Variants in ZBTB38 observed in about 807,000 individuals in gnomAD.
ZBTB38 encodes zinc finger and BTB domain-containing protein 38.
Under a neutral mutation model 76.8 loss-of-function variants are expected in ZBTB38, and 20 were observed. The ratio of observed to expected loss-of-function variants is 0.26; its 90% CI spans 0.18 to 0.38. The LOEUF (loss-of-function observed/expected upper bound fraction) is 0.38. ZBTB38 is among the 10% of genes least tolerant of loss of function. The pLI is 1.00. For synonymous variants in ZBTB38, 504 were observed against 544.2 expected (o/e 0.93, Z 1.03); for missense variants, 1,082 against 1,482.3 (o/e 0.73, Z 4.43).
intron 1 of ZBTB38, among the ~76,000 whole-genome samples, chr3:141,325,409 A>T (rs944235672): frequency 3.3e-5 from 5 of 152,180 alleles, no homozygotes; most frequent in African/African-American, 9.7e-5. Context: ...AATGACATAC[A>T]CTGTTCATTG....
At position 141,444,251 on chromosome 3, in the gene ZBTB38, T is replaced by G; in HGVS notation, c.1863T>G (p.Thr621=). 1 of 1,614,196 alleles carries G rather than the reference T, an allele frequency of 6.2e-7. No homozygotes were observed. ...SELPTLNFQD[T]VNTLTNSPAI... ...TACCAACGCTGAATTTCCAAGATAC[T>G]GTAAACACCCTGACCAACAGTCCAG... Residue 621 remains threonine, a synonymous_variant, in exon 6 of 6, where the codon ACT becomes ACG. Transcript: ENST00000321464. This position sits in a 1 kb window ranked among gnomAD's most constrained non-coding sequence, Gnocchi z 5.1.
rs572136621 is a variant in ZBTB38 at position 141,362,447 on chromosome 3, T to C, written c.-738-6174T>C. Among the ~76,000 whole-genome samples, 19 of 152,166 alleles carry C rather than the reference T, an allele frequency of 1.2e-4. 1 individual carries two copies. In the South Asian group the frequency reaches 3.9e-3, roughly 32 times the overall value. ...AACATAAAATATAGATAGCATAAAA[T>C]GACCACCAGCACAAAAAACATTTTT... is the stretch of plus-strand genomic sequence containing the variant. On this transcript the variant is annotated intron_variant, in intron 1 of 7. Transcript: ENST00000509842.
At chr3:141,331,997 G>C (rs1942869825) in intron 1 of ZBTB38, among the ~76,000 whole-genome samples, 1 of 152,212 alleles carries the variant, frequency 6.6e-6, no homozygotes. Flanking sequence ...GTGACCCTTT[G>C]GGGAAGAGGG....
intron 4 of ZBTB38, among the ~76,000 whole-genome samples, chr3:141,401,822 A>T (rs1952073311): frequency 6.6e-6 from 1 of 152,216 alleles, no homozygotes; most frequent in Non-Finnish European, 1.5e-5. Flanking sequence ...TCATTTAAAG[A>T]AGAGGACTGG....
At chr3:141,405,639 G>T (rs765599) in intron 5 of ZBTB38, 5 of 152,264 alleles carry the variant, frequency 3.3e-5, no homozygotes, top group South Asian at 2.1e-4. Flanking sequence ...AAATCAAATC[G>T]CAAGACTTGA....
chr3:141,361,473 G>T (rs1943824510), intron 1 of ZBTB38, among the ~76,000 whole-genome samples: 1 of 152,222 alleles, frequency 6.6e-6, no homozygotes, highest in Non-Finnish European at 1.5e-5. Context: ...TGAGGAAGCT[G>T]AGGCTGAGAA....
Position 141,443,827 on chromosome 3 carries a change from A to G in ZBTB38, c.1439A>G (p.Asn480Ser). Residue 480 changes from asparagine to serine, a missense_variant, in exon 6 of 6, where the codon AAT becomes AGT. Asn to Ser is a conservative substitution (Grantham distance 46, BLOSUM62 1). Coordinates refer to ENST00000321464, the MANE Select transcript of ZBTB38 (RefSeq NM_001376113.1). This position sits in a 1 kb window ranked among gnomAD's most constrained non-coding sequence, Gnocchi z 5.6. Reference sequence around the variant, plus strand: ...TTATCTAGCCTCCGAAGACATGCAAATGTTCACTCCTGGAGAAGAACATAT... The same window carrying G: ...TTATCTAGCCTCCGAAGACATGCAAGTGTTCACTCCTGGAGAAGAACATAT... Reference protein sequence around the residue: ...VTLSSLRRHANVHSWRRTYPC... With the variant: ...VTLSSLRRHASVHSWRRTYPC... 1 of 1,614,034 alleles carries G rather than the reference A, an allele frequency of 6.2e-7. No individual in the cohort carries two copies. The highest frequency in any genetic ancestry group is 8.5e-7 in the Non-Finnish European group (1 of 1,180,036).
Position 141,413,542 on chromosome 3 carries a change from G to T in ZBTB38, c.-1+9511G>T, listed in dbSNP as rs1434875304. On this transcript the variant is annotated intron_variant, in intron 5 of 5. Transcript: ENST00000321464. The surrounding 1 kb of genome is among the most constrained non-coding windows in gnomAD (Gnocchi z 4.1). ...TCTGTTTTTTGGAACTGTTGTATTT[G>T]TGTGACACAGTGATGGAGCATGATG... Among the ~76,000 whole-genome samples the T allele has an allele frequency of 6.6e-6, 1 of 152,130 alleles. No individual in the cohort carries two copies.
intron 1 of ZBTB38, among the ~76,000 whole-genome samples, chr3:141,332,641 G>A (rs528159850): frequency 3.3e-5 from 5 of 152,258 alleles, no homozygotes; most frequent in African/African-American, 9.6e-5. Context: ...ACGATCTGCC[G>A]CCCTGAGCAA....
chr3:141,443,632 T>G lies in ZBTB38; in HGVS notation c.1244T>G (p.Ile415Ser). ...NQRFLENYPT[I>S]GQNGGSFTGP... ...CGCTTTTTAGAAAACTATCCTACCA[T>G]TGGACAAAATGGAGGTTCATTCACA... The change falls in exon 6 of 6, where the codon ATT becomes AGT. Residue 415 changes from isoleucine (I) to serine (S), a missense_variant. Ile to Ser is a moderately radical substitution (Grantham distance 142, BLOSUM62 -2). Transcript: ENST00000321464. This position sits in a 1 kb window ranked among gnomAD's most constrained non-coding sequence, Gnocchi z 5.6. 1.9e-6 allele frequency: 3 copies of G among 1,614,198 alleles called. No homozygotes were observed. The highest frequency in any genetic ancestry group is 2.5e-6 in the Non-Finnish European group (3 of 1,180,040).
intron 1 of ZBTB38, among the ~76,000 whole-genome samples, chr3:141,334,891 A>G (rs1483760664): frequency 2.0e-5 from 3 of 152,246 alleles, no homozygotes; most frequent in Admixed American, 6.5e-5. Flanking sequence ...TGGAAGGCTA[A>G]TCTTTCAGAT....
chr3:141,380,390 T>C (rs1946038613), intron 2 of ZBTB38, among the ~76,000 whole-genome samples: 1 of 152,214 alleles, frequency 6.6e-6, no homozygotes, highest in Admixed American at 6.5e-5. Flanking sequence ...GCCAGACAAC[T>C]TGTGGCTCCC....
intron 2 of ZBTB38, among the ~76,000 whole-genome samples, chr3:141,375,066 T>C (rs1162885601): frequency 1.3e-5 from 2 of 152,228 alleles, no homozygotes; most frequent in East Asian, 1.9e-4. Flanking sequence ...TCAACAAATA[T>C]TCAGTTGGCA....
intron 1 of ZBTB38, among the ~76,000 whole-genome samples, chr3:141,353,268 C>T (rs1434124381): frequency 3.3e-5 from 5 of 152,080 alleles, no homozygotes; most frequent in Non-Finnish European, 7.4e-5. Context: ...AGCCCTCAGA[C>T]CTCAACCCAA....
chr3:141,426,661 G>A (rs752676580), intron 5 of ZBTB38, among the ~76,000 whole-genome samples: 1 of 152,172 alleles, frequency 6.6e-6, no homozygotes, highest in Non-Finnish European at 1.5e-5. Context: ...GGCCTCACAC[G>A]ACACTGCCAT....
rs1166648804 is a variant in ZBTB38, at chr3:141,341,758, G to C, written c.-739+17302G>C. 4.7e-4 allele frequency among the ~76,000 whole-genome samples: 71 copies of C among 152,190 alleles called. 1 individual carries two copies. Among genetic ancestry groups the C allele is most frequent in the Admixed American group, 4.6e-3 (71 of 15,274 alleles). On this transcript the variant is annotated intron_variant, in intron 1 of 7. Transcript: ENST00000509842. Reference sequence around the variant, plus strand: ...TGTCATCAGTGAAAACCAAGACACAGCCACCAAACACAGTGGACATCCATG... The same window carrying C: ...TGTCATCAGTGAAAACCAAGACACACCCACCAAACACAGTGGACATCCATG...
At chr3:141,387,711 T>C (rs1947515875) in intron 4 of ZBTB38, 1 of 152,226 alleles carries the variant, frequency 6.6e-6, no homozygotes, top group Non-Finnish European at 1.5e-5. Flanking sequence ...GTTGATAAAT[T>C]CAGTTCTGTG....
In ZBTB38 at chr3:141,443,934, T is replaced by C. The variant is rs780941938; in HGVS notation, c.1546T>C (p.Tyr516His). ...AATTTGGCATACGGGAGAAAGACGA[T>C]ATCAGTGCATTTTCTGTCTTGAAAC... ...HEIWHTGERR[Y>H]QCIFCLETFM... The change falls in exon 6 of 6, where the codon TAT becomes CAT. Residue 516 changes from tyrosine (Y) to histidine (H), a missense_variant. Tyr to His is a moderately conservative substitution (Grantham distance 83, BLOSUM62 2). This residue lies in a region of ZBTB38 where 60 missense variants were observed against 126.0 expected (regional missense o/e 0.48). Coordinates refer to ENST00000321464, the MANE Select transcript of ZBTB38 (RefSeq NM_001376113.1). The surrounding 1 kb of genome is among the most constrained non-coding windows in gnomAD (Gnocchi z 5.6). 6.2e-7 allele frequency: 1 copy of C among 1,614,182 alleles called. No homozygotes were observed. The highest frequency in any genetic ancestry group is 8.5e-7 in the Non-Finnish European group (1 of 1,180,030).
At chr3:141,371,071 T>TTTTTTTTTTTTTTC (rs869104925) in intron 2 of ZBTB38, among the ~76,000 whole-genome samples, 1 of 134,474 alleles carries the variant, frequency 7.4e-6, no homozygotes, top group Admixed American at 7.8e-5. Context: ...TTTTTTTTTT[T>TTTTTTTTTTTTTTC]GAGGCAGAGT....
Sources: allele counts gnomAD v4.1 joint callset (sites outside exome capture counted in the v4.1 genomes callset), GRCh38; gene constraint gnomAD v4.1.1; regional missense constraint gnomAD v4.1.1; non-coding constraint Gnocchi (gnomAD v3.1); transcripts MANE v1.5; gene names NCBI Gene and HGNC (gene_info 2026-07-23, HGNC 2026-07-21).